The following SPIRE1 variants were observed in gnomAD, a reference collection of about 807,000 sequenced individuals.
The protein encoded by SPIRE1 is spire type actin nucleation factor 1, also known as protein spire homolog 1.
Under a neutral mutation model 94.1 loss-of-function variants are expected in SPIRE1, and 40 were observed. The ratio of observed to expected loss-of-function variants is 0.43; its 90% CI spans 0.33 to 0.55. SPIRE1 has a LOEUF of 0.55. Among genes scored for constraint, SPIRE1 ranks in the 20% least tolerant of loss-of-function variants. The pLI, the probability that SPIRE1 is intolerant of heterozygous loss-of-function variation, is 0.06. For synonymous variants in SPIRE1, 376 were observed against 371.7 expected (o/e 1.01, Z -0.13); for missense variants, 838 against 975.2 (o/e 0.86, Z 1.87).
intron 12 of SPIRE1, among the ~76,000 whole-genome samples, chr18:12,462,703 T>C (rs932738578): frequency 2.6e-5 from 4 of 152,214 alleles, no homozygotes; most frequent in Non-Finnish European, 4.4e-5. Flanking sequence ...TACTTCTGCC[T>C]CAATAAGATC....
chr18:12,581,197 C>T (rs1203443805), intron 2 of SPIRE1, among the ~76,000 whole-genome samples: 5 of 152,262 alleles, frequency 3.3e-5, no homozygotes, highest in South Asian at 4.2e-4. Flanking sequence ...ACACACCCCA[C>T]GTCATCAAAA....
intron 16 of SPIRE1, among the ~76,000 whole-genome samples, chr18:12,450,110 C>T (rs2031157940): frequency 6.6e-6 from 1 of 151,734 alleles, no homozygotes; most frequent in South Asian, 2.1e-4. Context: ...TGCGGTGGCT[C>T]ACGCCTGTAA....
chr18:12,581,532 G>T (rs2144535784), intron 2 of SPIRE1, among the ~76,000 whole-genome samples: 1 of 152,164 alleles, frequency 6.6e-6, no homozygotes, highest in South Asian at 2.1e-4. Flanking sequence ...TACCATTCCT[G>T]CTAACATTTT....
At chr18:12,546,060 G>C (rs2035156617) in intron 3 of SPIRE1, among the ~76,000 whole-genome samples, 1 of 152,102 alleles carries the variant, frequency 6.6e-6, no homozygotes, top group Non-Finnish European at 1.5e-5. Context: ...CGTGATCTCA[G>C]CTCACTGCAA....
At chr18:12,519,803 TAGG>T (rs1006166031) in intron 4 of SPIRE1, among the ~76,000 whole-genome samples, 29 of 152,246 alleles carry the variant, frequency 1.9e-4, no homozygotes, top group Non-Finnish European at 3.2e-4. Context: ...TGTCAAGATG[TAGG>T]AGAATAGATA....
At chr18:12,636,943 G>A (rs2037944859) in intron 1 of SPIRE1, among the ~76,000 whole-genome samples, 1 of 152,176 alleles carries the variant, frequency 6.6e-6, no homozygotes, top group Admixed American at 6.5e-5. Flanking sequence ...AACAGCTCAA[G>A]GAAGGGTACA....
intron 7 of SPIRE1, among the ~76,000 whole-genome samples, chr18:12,493,586 T>C (rs2033322893): frequency 6.6e-6 from 1 of 152,118 alleles, no homozygotes; most frequent in Admixed American, 6.5e-5. Flanking sequence ...TTTGTATTTT[T>C]AGTAGAGATG....
At chr18:12,620,638 A>G (rs752643613) in intron 2 of SPIRE1, among the ~76,000 whole-genome samples, 25 of 152,244 alleles carry the variant, frequency 1.6e-4, no homozygotes, top group Non-Finnish European at 3.5e-4. Flanking sequence ...TCCTCAAACC[A>G]TATACAAAAA....
intron 1 of SPIRE1, among the ~76,000 whole-genome samples, chr18:12,651,547 G>A (rs1276973254): frequency 4.6e-5 from 7 of 151,984 alleles, no homozygotes; most frequent in Non-Finnish European, 7.4e-5. Context: ...GGTGGCGGGC[G>A]CCTGTAGTCC....
In SPIRE1 at chr18:12,527,639, T is replaced by C. The variant is rs933775808; in HGVS notation, c.729+7837A>G. Among the ~76,000 whole-genome samples the C allele has an allele frequency of 2.2e-4, 33 of 152,194 alleles. 2 individuals are homozygous for C. Among genetic ancestry groups the C allele is most frequent in the Non-Finnish European group, 1.5e-5 (1 of 68,040 alleles). On this transcript the variant is annotated intron_variant, in intron 4 of 16. Transcript: ENST00000409402. ...CCACTTCTGGAGAGCAGAATGAATA[T>C]GAAGAGGCAGCTGTGTGTCCAGGAG...
chr18:12,570,991 T>C (rs893595241), intron 2 of SPIRE1, among the ~76,000 whole-genome samples: 1 of 152,196 alleles, frequency 6.6e-6, no homozygotes, highest in African/African-American at 2.4e-5. Flanking sequence ...AGTGTGTGTT[T>C]CTTTTTTTTA....
At chr18:12,605,906 G>GCCACCTC (rs1567962970) in intron 2 of SPIRE1, among the ~76,000 whole-genome samples, 1 of 151,962 alleles carries the variant, frequency 6.6e-6, no homozygotes, top group African/African-American at 2.4e-5. Flanking sequence ...CTCGTTCACC[G>GCCACCTC]CCACCTCCCC....
intron 2 of SPIRE1, among the ~76,000 whole-genome samples, chr18:12,581,309 T>C (rs545596478): frequency 6.6e-6 from 1 of 152,312 alleles, no homozygotes; most frequent in Admixed American, 6.5e-5. Context: ...CTATAGGACT[T>C]TGAACTAAAG....
At chr18:12,643,773 A>G (rs956119151) in intron 1 of SPIRE1, among the ~76,000 whole-genome samples, 7 of 152,142 alleles carry the variant, frequency 4.6e-5, no homozygotes, top group African/African-American at 1.4e-4. Flanking sequence ...CCTTTACTAC[A>G]TATACTATAT....
chr18:12,641,380 T>TC (rs1175789211), intron 1 of SPIRE1, among the ~76,000 whole-genome samples: 1 of 151,094 alleles, frequency 6.6e-6, no homozygotes, highest in Non-Finnish European at 1.5e-5. Flanking sequence ...TTTTCTTTTT[T>TC]TTTTTTTGAG....
intron 2 of SPIRE1, among the ~76,000 whole-genome samples, chr18:12,560,755 G>C (rs2035658378): frequency 6.6e-6 from 1 of 152,174 alleles, no homozygotes; most frequent in Non-Finnish European, 1.5e-5. Flanking sequence ...GGAAGGCTGA[G>C]GTGGGAGAAC....
At chr18:12,541,735 T>C (rs2035020044) in intron 3 of SPIRE1, among the ~76,000 whole-genome samples, 1 of 152,148 alleles carries the variant, frequency 6.6e-6, no homozygotes, top group Admixed American at 6.6e-5. Flanking sequence ...TTGGATTTTG[T>C]ATTTTTAATG....
intron 4 of SPIRE1, among the ~76,000 whole-genome samples, chr18:12,516,931 ATC>A (rs2034213222): frequency 6.6e-6 from 1 of 152,222 alleles, no homozygotes; most frequent in Admixed American, 6.5e-5. Flanking sequence ...AAGAAAAACT[ATC>A]TGTTCTTTAT....
At chr18:12,554,947 C>G (rs1004754373) in intron 2 of SPIRE1, among the ~76,000 whole-genome samples, 1 of 152,138 alleles carries the variant, frequency 6.6e-6, no homozygotes, top group Non-Finnish European at 1.5e-5. Context: ...TATGAAGGAG[C>G]TGAAACTTAC....
Sources: allele counts gnomAD v4.1 joint callset (sites outside exome capture counted in the v4.1 genomes callset), GRCh38; gene constraint gnomAD v4.1.1; transcripts MANE v1.5; gene names NCBI Gene and HGNC (gene_info 2026-07-23, HGNC 2026-07-21).